Variants in WDR47 observed in about 807,000 individuals in gnomAD.
WDR47 encodes WD repeat domain 47.
A neutral mutation model predicts 97.2 loss-of-function variants in WDR47; 32 were observed. The observed-to-expected ratio is 0.33, with a 90% CI of 0.25 to 0.44. The LOEUF (loss-of-function observed/expected upper bound fraction) is 0.44, where lower values mean the gene tolerates loss of function less well. Ranked by LOEUF, WDR47 falls within the 20% of genes least tolerant of loss-of-function variation. WDR47 has a pLI of 1.00. For synonymous variants in WDR47, 375 were observed against 373.5 expected (o/e 1.00, Z -0.05); for missense variants, 782 against 1,102.3 (o/e 0.71, Z 4.11).
At chr1:109,026,050 CTTTTTT>C (rs557580439) in intron 1 of WDR47, among the ~76,000 whole-genome samples, 1 of 145,020 alleles carries the variant, frequency 6.9e-6, no homozygotes, top group Non-Finnish European at 1.5e-5. Flanking sequence ...TCACTAAATT[CTTTTTT>C]TTTTTTTAAA....
chr1:109,018,436 C>CAAA (rs34692365), intron 2 of WDR47, among the ~76,000 whole-genome samples: 2 of 103,356 alleles, frequency 1.9e-5, no homozygotes, highest in Non-Finnish European at 2.0e-5. Flanking sequence ...GACTCTGTCT[C>CAAA]AAAAAAAAAA....
chr1:109,011,480 G>A lies in WDR47; in HGVS notation c.566C>T (p.Ala189Val). 1 of 1,614,146 alleles carries A rather than the reference G, an allele frequency of 6.2e-7. No homozygotes were observed. The highest frequency in any genetic ancestry group is 8.5e-7 in the Non-Finnish European group (1 of 1,180,026). Residue 189 changes from alanine to valine, a missense_variant, in exon 5 of 15, where the codon GCT becomes GTT. By Grantham distance (64) the Ala-to-Val change is moderately conservative (BLOSUM62 0). Transcript: ENST00000369962. ...AAGCTGAAATAAACGATTGTTACTA[G>A]CCTTAAAACCAGCTTCACTTAGCTT... ...DRKLSEAGFK[A>V]SNNRLFQLVM...
chr1:108,999,196 C>T (rs2101892429), intron 7 of WDR47, among the ~76,000 whole-genome samples: 1 of 149,622 alleles, frequency 6.7e-6, no homozygotes, highest in African/African-American at 2.5e-5. Context: ...CACTGCACTC[C>T]AGCCTGGGCA....
At chr1:108,975,254 C>T (rs1208470688) in intron 13 of WDR47, among the ~76,000 whole-genome samples, 1 of 151,962 alleles carries the variant, frequency 6.6e-6, no homozygotes. Context: ...TTCAGGGCAA[C>T]TTGAATCCTT....
chr1:109,035,089 A>AG (rs1381987033), intron 1 of WDR47, among the ~76,000 whole-genome samples: 1 of 151,524 alleles, frequency 6.6e-6, no homozygotes, highest in African/African-American at 2.4e-5. Context: ...TCCAAAAAAA[A>AG]AAAACAATTA....
intron 14 of WDR47, among the ~76,000 whole-genome samples, chr1:108,972,557 G>C (rs1325816037): frequency 6.6e-6 from 1 of 152,160 alleles, no homozygotes; most frequent in East Asian, 1.9e-4. Flanking sequence ...GGCAGGCTAT[G>C]CATGTGTGAG....
chr1:108,983,767 T>C (rs1658528949), intron 10 of WDR47, among the ~76,000 whole-genome samples: 1 of 133,568 alleles, frequency 7.5e-6, no homozygotes, highest in African/African-American at 2.7e-5. Flanking sequence ...TTAAAAAAGC[T>C]AACAATGCTT....
intron 8 of WDR47, chr1:108,992,900 T>C: frequency 1.7e-6 from 2 of 1,162,892 alleles, no homozygotes; most frequent in East Asian, 2.4e-5. Context: ...AAAATAGAGG[T>C]GAGGAAATTG....
At chr1:109,035,868 G>A (rs1662909513) in intron 1 of WDR47, among the ~76,000 whole-genome samples, 1 of 150,376 alleles carries the variant, frequency 6.6e-6, no homozygotes, top group Admixed American at 6.7e-5. Flanking sequence ...AGACTACAGT[G>A]TAGTTGCTAT....
intron 4 of WDR47, among the ~76,000 whole-genome samples, chr1:109,012,707 T>C (rs776552051): frequency 1.3e-5 from 2 of 151,878 alleles, no homozygotes; most frequent in South Asian, 2.1e-4. Context: ...CTTTGAATCA[T>C]AAGCTTTTAA....
chr1:108,986,527 G>C lies in WDR47; in HGVS notation c.1921C>G (p.Pro641Ala), dbSNP rs775151772. ...RVCAYPDVID[P>A]SAHETPKQPV... ...GCACAAATCATTGATCCTTACCTTG[G>C]ATCAATTACATCTGGATAGGCACAT... The change falls in exon 10 of 15, where the codon CCA becomes GCA. Residue 641 changes from proline (P) to alanine (A), a missense_variant. This residue lies in a region of WDR47 where 228 missense variants were observed against 396.7 expected (regional missense o/e 0.57). Transcript: ENST00000369962. The C allele has an allele frequency of 6.9e-6, 11 of 1,605,256 alleles. No homozygotes were observed. Among genetic ancestry groups the C allele is most frequent in the Non-Finnish European group, 9.4e-6 (11 of 1,175,706 alleles).
At chr1:109,027,964 A>C (rs992319117) in intron 1 of WDR47, among the ~76,000 whole-genome samples, 18 of 152,216 alleles carry the variant, frequency 1.2e-4, no homozygotes, top group Non-Finnish European at 1.9e-4. Context: ...ATTCAGGGAA[A>C]CAGAATTCAA....
At chr1:109,041,176 C>T (rs1240807134) in intron 1 of WDR47, among the ~76,000 whole-genome samples, 2 of 151,102 alleles carry the variant, frequency 1.3e-5, no homozygotes, top group Non-Finnish European at 3.0e-5. Context: ...GCTAGAGTTC[C>T]AATATTTTTC....
rs182608349 is a variant in WDR47, at chr1:108,971,204, G to T, written c.*226C>A. On this transcript the variant is annotated 3_prime_UTR_variant, in exon 15 of 15. Transcript: ENST00000369962. ...GAGCTCTTCTGCAGACTTTGGCAAC[G>T]AGACTACATATAGCAGGTCACAGCA... is the stretch of plus-strand genomic sequence containing the variant. 7.6e-4 allele frequency: 368 copies of T among 481,048 alleles called. 2 individuals carry two copies. In the East Asian group the frequency reaches 9.4e-3, roughly 12 times the overall value. 29.8% of individuals were successfully genotyped at this position (481,048 alleles called of 1,614,324 possible).
At chr1:108,979,519 T>C (rs1658180986) in intron 13 of WDR47, among the ~76,000 whole-genome samples, 1 of 147,304 alleles carries the variant, frequency 6.8e-6, no homozygotes, top group African/African-American at 2.5e-5. Context: ...AACAAGACCC[T>C]GTCTCAGAAC....
chr1:109,032,392 C>T (rs1439783161), intron 1 of WDR47, among the ~76,000 whole-genome samples: 1 of 134,192 alleles, frequency 7.5e-6, no homozygotes, highest in Admixed American at 8.2e-5. Flanking sequence ...CCTGTAGTCC[C>T]AGCTACTCGG....
chr1:108,978,608 A>G (rs1571137491), intron 13 of WDR47, among the ~76,000 whole-genome samples: 1 of 152,322 alleles, frequency 6.6e-6, no homozygotes, highest in East Asian at 1.9e-4. Flanking sequence ...AAATGGATGT[A>G]ATCATCTAAA....
At chr1:108,982,801 A>C (rs1383938984) in intron 11 of WDR47, 22 bp from the exon 12 acceptor site, 1 of 1,525,336 alleles carries the variant, frequency 6.6e-7, no homozygotes, top group Admixed American at 2.1e-5. Context: ...GTAAGAATTA[A>C]AAAAAAAAAA....
intron 5 of WDR47, among the ~76,000 whole-genome samples, chr1:109,007,502 G>A (rs958874694): frequency 2.6e-5 from 4 of 152,064 alleles, no homozygotes; most frequent in African/African-American, 9.7e-5. Context: ...TTTAAAATAG[G>A]TGCATTTGTT....
Sources: gnomAD v4.1 joint callset for allele counts (sites outside exome capture counted in the v4.1 genomes callset) on GRCh38, gnomAD v4.1.1 for gene constraint, gnomAD v4.1.1 regional missense constraint, MANE v1.5 for transcripts, NCBI Gene and HGNC (gene_info 2026-07-23, HGNC 2026-07-21) for gene names.